Variants in STXBP3 observed in about 807,000 individuals in gnomAD.
STXBP3 encodes syntaxin binding protein 3, also known as syntaxin-binding protein 3.
In STXBP3, 41 loss-of-function variants were observed where a neutral mutation model predicts 85.7. That is an observed-to-expected ratio of 0.48 (90% CI 0.37 to 0.62). The LOEUF is 0.62. Among genes scored for constraint, STXBP3 ranks in the 20% least tolerant of loss-of-function variants. The pLI, the probability that STXBP3 is intolerant of heterozygous loss-of-function variation, is 0.00. For missense variants in STXBP3, 563 were observed against 703.1 expected (o/e 0.80, Z 2.25); for synonymous variants, 229 against 231.7 (o/e 0.99, Z 0.10).
intron 6 of STXBP3, among the ~76,000 whole-genome samples, chr1:108,764,579 A>T (rs980569675): frequency 1.3e-5 from 2 of 152,142 alleles, no homozygotes; most frequent in African/African-American, 4.8e-5. Flanking sequence ...GACTTTTTAA[A>T]AATAGCCATT....
chr1:108,781,206 T>C (rs1480759200), intron 9 of STXBP3: 1 of 152,244 alleles, frequency 6.6e-6, no homozygotes, highest in Non-Finnish European at 1.5e-5. Context: ...GCACAGTGAT[T>C]CTGTCTTTGG....
intron 11 of STXBP3, among the ~76,000 whole-genome samples, chr1:108,791,047 G>A (rs1280941831): frequency 6.6e-6 from 1 of 152,116 alleles, no homozygotes; most frequent in African/African-American, 2.4e-5. Flanking sequence ...AGCTGGGTTA[G>A]ATTGAATTCT....
intron 8 of STXBP3, among the ~76,000 whole-genome samples, chr1:108,778,716 A>T (rs1322409034): frequency 6.6e-6 from 1 of 152,206 alleles, no homozygotes; most frequent in Non-Finnish European, 1.5e-5. Context: ...TTGGAACTCA[A>T]TTCATAAGAA....
chr1:108,782,022 T>C (rs1662724379), intron 9 of STXBP3: 1 of 156,104 alleles, frequency 6.4e-6, no homozygotes, highest in South Asian at 2.0e-4. Context: ...ATATTCCTGT[T>C]CTTAATGGAA....
At chr1:108,779,825 G>A (rs1662679385) in intron 9 of STXBP3, 1 of 152,316 alleles carries the variant, frequency 6.6e-6, no homozygotes. Flanking sequence ...TTAAAAGATT[G>A]GAACACTAGA....
intron 7 of STXBP3, among the ~76,000 whole-genome samples, chr1:108,774,884 T>C (rs1431331936): frequency 6.6e-6 from 1 of 152,080 alleles, no homozygotes; most frequent in Admixed American, 6.6e-5. Flanking sequence ...GGGAAATGAG[T>C]AAATATAGCC....
intron 1 of STXBP3, among the ~76,000 whole-genome samples, chr1:108,747,002 T>G (rs565044899): frequency 1.5e-3 from 213 of 144,784 alleles, no homozygotes; most frequent in African/African-American, 5.3e-3. Context: ...GGCCTTCTCG[T>G]TGGCGTCGGG....
Position 108,804,211 on chromosome 1 carries a change from C to T in STXBP3, c.1536-3190C>T, listed in dbSNP as rs1023888755. On this transcript the variant is annotated intron_variant, in intron 17 of 18. Transcript: ENST00000370008. The stretch of plus-strand genomic sequence containing the variant: ...CTTAATTTCTTAAACTTTTTTGTTT[C>T]TTCTGCTGGTGTTTCATTCTAGAAA... 3.2e-4 allele frequency among the ~76,000 whole-genome samples: 48 copies of T among 151,962 alleles called. 1 individual carries two copies. The highest frequency in any genetic ancestry group is 3.4e-4 in the Non-Finnish European group (23 of 67,976).
At chr1:108,780,203 T>C (rs554133866) in intron 9 of STXBP3, 23 of 152,294 alleles carry the variant, frequency 1.5e-4, no homozygotes, top group Middle Eastern at 3.4e-3. Flanking sequence ...ATGATACTGT[T>C]TTTTTTCTTA....
chr1:108,772,580 A>T, intron 6 of STXBP3, 85 bp from the exon 7 acceptor site: 1 of 506,642 alleles, frequency 2.0e-6, no homozygotes, highest in South Asian at 9.2e-5. Flanking sequence ...TATAATATAT[A>T]CATTATATAT....
intron 8 of STXBP3, among the ~76,000 whole-genome samples, chr1:108,778,640 T>C (rs1405010522): frequency 6.6e-6 from 1 of 152,086 alleles, no homozygotes; most frequent in Admixed American, 6.5e-5. Flanking sequence ...TATTTTTGTT[T>C]AGTAAAATGT....
intron 6 of STXBP3, among the ~76,000 whole-genome samples, chr1:108,771,655 T>G (rs796880510): frequency 5.3e-4 from 3 of 5,682 alleles, no homozygotes; most frequent in Admixed American, 2.0e-3. Context: ...GATATATATC[T>G]ATATATATCA....
chr1:108,753,911 C>T (rs1661963077), intron 3 of STXBP3, among the ~76,000 whole-genome samples: 1 of 151,848 alleles, frequency 6.6e-6, no homozygotes, highest in Non-Finnish European at 1.5e-5. Context: ...TATTTTGGAT[C>T]CTAATGTAGT....
intron 1 of STXBP3, among the ~76,000 whole-genome samples, 196 bp downstream of exon 1, chr1:108,746,982 G>T (rs1306290586): frequency 1.3e-5 from 2 of 152,134 alleles, no homozygotes; most frequent in Non-Finnish European, 2.9e-5. Flanking sequence ...GGCGGGGTGC[G>T]ACGGGACGCG....
At position 108,786,931 on chromosome 1, in the gene STXBP3, A is replaced by G. The variant is rs558940223; in HGVS notation, c.963+4225A>G. On this transcript the variant is annotated intron_variant, in intron 11 of 18. Transcript: ENST00000370008. ...AGAATATAGCTCCACTTATGTAGATAGTTTATCTCAGCCGCATTTTATAAT... is the reference window on the plus strand; with the variant it reads ...AGAATATAGCTCCACTTATGTAGATGGTTTATCTCAGCCGCATTTTATAAT... Among the ~76,000 whole-genome samples, 17 of 152,300 alleles carry G rather than the reference A, an allele frequency of 1.1e-4. No individual in the cohort carries two copies. In the East Asian group the frequency reaches 1.9e-3, roughly 17 times the overall value.
In STXBP3 at chr1:108,782,838, G is replaced by A. The variant is rs188491094; in HGVS notation, c.963+132G>A. On this transcript the variant is annotated intron_variant, in intron 11 of 18. Coordinates refer to ENST00000370008, the MANE Select transcript of STXBP3 (RefSeq NM_007269.4). ...ATGGAGGTAGAGAATGAACTCCTACGTACCCATTGCCTAGTTTCAATAGTT... is the reference window on the plus strand; with the variant it reads ...ATGGAGGTAGAGAATGAACTCCTACATACCCATTGCCTAGTTTCAATAGTT... 6.1e-4 allele frequency: 418 copies of A among 689,598 alleles called. 1 individual carries two copies. The highest frequency in any genetic ancestry group is 6.7e-4 in the Admixed American group (20 of 29,972). The allele number at this position is 689,598 out of a possible 1,614,324, so 42.7% of individuals were successfully genotyped here.
chr1:108,790,099 T>C (rs1287568595), intron 11 of STXBP3, among the ~76,000 whole-genome samples: 2 of 152,132 alleles, frequency 1.3e-5, no homozygotes, highest in South Asian at 2.1e-4. Context: ...TAAATCAAGA[T>C]GGTTAATCAT....
At chr1:108,789,898 T>G (rs1270082659) in intron 11 of STXBP3, among the ~76,000 whole-genome samples, 1 of 151,256 alleles carries the variant, frequency 6.6e-6, no homozygotes, top group Admixed American at 6.6e-5. Context: ...AAACCCCATC[T>G]CTACTAAAAA....
intron 15 of STXBP3, among the ~76,000 whole-genome samples, chr1:108,797,227 A>G (rs1663123543): frequency 6.6e-6 from 1 of 151,076 alleles, no homozygotes; most frequent in South Asian, 2.1e-4. Context: ...GTTGGTGTGT[A>G]CCTGTAGTCC....
Sources: gnomAD v4.1 joint callset for allele counts (sites outside exome capture counted in the v4.1 genomes callset) on GRCh38, gnomAD v4.1.1 for gene constraint, MANE v1.5 for transcripts, NCBI Gene and HGNC (gene_info 2026-07-23, HGNC 2026-07-21) for gene names.